Variants in ACTR6 observed in about 807,000 individuals in gnomAD.
ACTR6 encodes actin related protein 6.
ACTR6 carries 50 observed loss-of-function variants against 52.5 expected under a neutral mutation model. The ratio of observed to expected loss-of-function variants is 0.95; its 90% confidence interval spans 0.76 to 1.20. The LOEUF (loss-of-function observed/expected upper bound fraction) is 1.20, where lower values mean the gene tolerates loss of function less well. Among genes scored for constraint, ACTR6 ranks in the 50% most tolerant of loss-of-function variants. ACTR6 has a pLI of 0.00. For missense variants in ACTR6, 344 were observed against 472.4 expected (o/e 0.73, Z 2.52); for synonymous variants, 135 against 147.2 (o/e 0.92, Z 0.60).
chr12:100,220,664 A>G (rs994075746), intron 10 of ACTR6, among the ~76,000 whole-genome samples: 1 of 151,968 alleles, frequency 6.6e-6, no homozygotes, highest in African/African-American at 2.4e-5. Context: ...ATATGAGAAA[A>G]AGTGCATATC....
At position 100,212,563 on chromosome 12, in the gene ACTR6, C is replaced by T. The variant is rs376863924; in HGVS notation, c.750+35C>T. 21 of 1,507,236 alleles carry T rather than the reference C, an allele frequency of 1.4e-5. No individual in the cohort carries two copies. In the East Asian group the frequency reaches 2.9e-4, roughly 21 times the overall value. The allele number at this position is 1,507,236 out of a possible 1,614,324, so 93.4% of individuals were successfully genotyped here. A position where few individuals can be genotyped will look rare whatever the true frequency, so the allele number is the denominator to read the frequency against. ...AAAAACCATCAATGGTTGGTTGCTG[C>T]GGCTCCTGTCTATAATCCCAGCACT... On this transcript the variant is annotated intron_variant, in intron 8 of 10. Coordinates refer to ENST00000188312, the MANE Select transcript of ACTR6 (RefSeq NM_022496.5).
chr12:100,220,276 C>A lies in ACTR6; in HGVS notation c.1061+130C>A, dbSNP rs76570315. ...TTTCACCTGCTGAATATTCATTTTT[C>A]TTCTTTCAAAAATTGAAATGATAAA... On this transcript the variant is annotated intron_variant, in intron 10 of 10. Transcript: ENST00000188312. 2.6e-3 allele frequency: 2,324 copies of A among 898,484 alleles called. 48 individuals carry two copies. The East Asian group carries it at 0.042, about 16-fold the overall frequency. 55.7% of individuals were successfully genotyped at this position (898,484 alleles called of 1,614,324 possible). A position where few individuals can be genotyped will look rare whatever the true frequency, so the allele number is the denominator to read the frequency against.
At chr12:100,212,587 C>A in intron 8 of ACTR6, 59 bp downstream of exon 8, 2 of 1,288,148 alleles carry the variant, frequency 1.6e-6, no homozygotes, top group Non-Finnish European at 2.3e-6. Flanking sequence ...AATCCCAGCA[C>A]TTGGGGAGGC....
rs2303626 is a variant in ACTR6, at chr12:100,200,887, C to T, written c.36C>T (p.Asn12=). 2,777 of 1,614,094 alleles carry T rather than the reference C, an allele frequency of 1.7e-3. 53 individuals carry two copies. In the East Asian group the frequency reaches 0.042, roughly 25 times the overall value. Residue 12 remains asparagine, a synonymous_variant, in exon 1 of 11, where the codon AAC becomes AAT. Coordinates refer to ENST00000188312, the MANE Select transcript of ACTR6 (RefSeq NM_022496.5). The part of the protein sequence containing the change: ...TTLVLDNGAY[N]AKIGYSHENV... The stretch of plus-strand genomic sequence containing the variant: ...TAGTGCTGGATAATGGAGCTTACAA[C>T]GCCAAAATCGGTTACAGCCATGAAA...
At chr12:100,211,195 T>A (rs751496846) in intron 6 of ACTR6, among the ~76,000 whole-genome samples, 1 of 152,104 alleles carries the variant, frequency 6.6e-6, no homozygotes, top group Non-Finnish European at 1.5e-5. Flanking sequence ...AGAAGGAGGA[T>A]ATTGAGTGTT....
At chr12:100,202,728 G>C (rs1330453720) in intron 1 of ACTR6, among the ~76,000 whole-genome samples, 1 of 152,074 alleles carries the variant, frequency 6.6e-6, no homozygotes, top group Non-Finnish European at 1.5e-5. Flanking sequence ...GTAGTGGCAG[G>C]CGCCTGTAGT....
intron 10 of ACTR6, among the ~76,000 whole-genome samples, chr12:100,222,442 G>T (rs1005952062): frequency 1.3e-5 from 2 of 151,894 alleles, no homozygotes. Flanking sequence ...ATTTTTGGTA[G>T]AGATGGGATC....
chr12:100,210,860 C>T (rs2096119291), intron 6 of ACTR6, among the ~76,000 whole-genome samples: 1 of 152,136 alleles, frequency 6.6e-6, no homozygotes, highest in African/African-American at 2.4e-5. Context: ...ATCATACCAT[C>T]AGGATCCCTT....
intron 10 of ACTR6, among the ~76,000 whole-genome samples, chr12:100,222,075 C>T (rs765653323): frequency 6.6e-6 from 1 of 151,990 alleles, no homozygotes; most frequent in Non-Finnish European, 1.5e-5. Context: ...CTGCCTCAGC[C>T]TCCCGAATAG....
At chr12:100,210,404 T>G in intron 6 of ACTR6, 53 bp downstream of exon 6, 1 of 1,535,846 alleles carries the variant, frequency 6.5e-7, no homozygotes, top group East Asian at 2.3e-5. Flanking sequence ...GAGGAACCTT[T>G]TACAGTAATT....
chr12:100,202,282 A>ATTAT (rs1956658103), intron 1 of ACTR6, among the ~76,000 whole-genome samples: 2 of 152,162 alleles, frequency 1.3e-5, no homozygotes, highest in African/African-American at 4.8e-5. Context: ...AGTGCTTTGT[A>ATTAT]TTATTCATAG....
At chr12:100,217,871 G>C (rs1164157834) in intron 8 of ACTR6, among the ~76,000 whole-genome samples, 1 of 152,148 alleles carries the variant, frequency 6.6e-6, no homozygotes, top group Non-Finnish European at 1.5e-5. Flanking sequence ...GACAGTACTA[G>C]AAACACAAGA....
intron 9 of ACTR6, among the ~76,000 whole-genome samples, chr12:100,219,370 C>T (rs1018972885): frequency 1.3e-4 from 20 of 152,214 alleles, no homozygotes; most frequent in Middle Eastern, 3.4e-3. Flanking sequence ...TTAGGTGGGA[C>T]GGCCCATACC....
chr12:100,214,179 G>A (rs1168373947), intron 8 of ACTR6, among the ~76,000 whole-genome samples: 2 of 152,048 alleles, frequency 1.3e-5, no homozygotes, highest in African/African-American at 4.8e-5. Flanking sequence ...ATGTTATTAA[G>A]GTATACTTAA....
rs2096130482 is a variant in ACTR6 at position 100,224,218 on chromosome 12, G to A, written c.*303G>A. ...TAAGTTTAATTCTTCATAGCTGAAAGCACAAATTTAACGGCTTCACTGGAC... is the reference window on the plus strand; with the variant it reads ...TAAGTTTAATTCTTCATAGCTGAAAACACAAATTTAACGGCTTCACTGGAC... On this transcript the variant is annotated 3_prime_UTR_variant, in exon 11 of 11. Coordinates refer to ENST00000188312, the MANE Select transcript of ACTR6 (RefSeq NM_022496.5). 5.4e-6 allele frequency: 1 copy of A among 186,222 alleles called. No individual in the cohort carries two copies. Among genetic ancestry groups the A allele is most frequent in the East Asian group, 1.5e-4 (1 of 6,828 alleles). 11.5% of individuals were successfully genotyped at this position (186,222 alleles called of 1,614,324 possible).
Position 100,205,098 on chromosome 12 carries a change from C to T in ACTR6, c.186+41C>T, listed in dbSNP as rs771171280. On this transcript the variant is annotated intron_variant, in intron 2 of 10. Transcript: ENST00000188312. ...ATGTTTCATTTCTAGCATTGTAGAC[C>T]TAAATTTAAAGATAATTTTAATTGT... The T allele has an allele frequency of 1.1e-5, 14 of 1,222,952 alleles. 2 individuals are homozygous for T. In the South Asian group the frequency reaches 2.1e-4, roughly 18 times the overall value. 75.8% of individuals were successfully genotyped at this position (1,222,952 alleles called of 1,614,324 possible).
At chr12:100,207,595 G>T in intron 3 of ACTR6, 68 bp from the exon 4 acceptor site, 1 of 1,288,322 alleles carries the variant, frequency 7.8e-7, no homozygotes, top group East Asian at 2.5e-5. Flanking sequence ...AAATTTGTTT[G>T]TACATGTAAA....
intron 2 of ACTR6, 41 bp downstream of exon 2, chr12:100,205,098 CT>C (rs2096113393): frequency 8.2e-7 from 1 of 1,222,944 alleles, no homozygotes. Context: ...CATTGTAGAC[CT>C]AAATTTAAAG....
intron 8 of ACTR6, among the ~76,000 whole-genome samples, chr12:100,215,300 A>G (rs933131917): frequency 6.6e-6 from 1 of 152,170 alleles, no homozygotes; most frequent in African/African-American, 2.4e-5. Context: ...CTTCCCTGCA[A>G]ATTACAACCT....
Sources: gnomAD v4.1 joint callset for allele counts (sites outside exome capture counted in the v4.1 genomes callset) on GRCh38, gnomAD v4.1.1 for gene constraint, MANE v1.5 for transcripts, NCBI Gene and HGNC (gene_info 2026-07-23, HGNC 2026-07-21) for gene names.